Variants in PTGFRN observed in about 807,000 individuals in gnomAD.
PTGFRN encodes the protein prostaglandin F2 receptor inhibitor.
PTGFRN carries 35 observed loss-of-function variants against 83.2 expected under a neutral mutation model. The observed-to-expected ratio is 0.42, with a 90% CI of 0.32 to 0.56. PTGFRN has a LOEUF of 0.56. Ranked by LOEUF, PTGFRN falls within the 20% of genes least tolerant of loss-of-function variation. The probability of loss-of-function intolerance (pLI) is 0.11; values close to 1 mark genes in which losing one functional copy is unlikely to be tolerated. For synonymous variants in PTGFRN, 519 were observed against 498.6 expected, an observed-to-expected ratio of 1.04 and a Z score of -0.55; for missense variants, 1,051 against 1,179.5, an observed-to-expected ratio of 0.89 and a Z score of 1.60.
chr1:116,968,526 GT>G (rs966066381), intron 6 of PTGFRN, among the ~76,000 whole-genome samples: 2 of 152,018 alleles, frequency 1.3e-5, no homozygotes, highest in Non-Finnish European at 2.9e-5. Context: ...GTATCTGTTT[GT>G]TTTTAATAGC....
intron 4 of PTGFRN, among the ~76,000 whole-genome samples, chr1:116,957,155 G>A (rs928738459): frequency 7.0e-6 from 1 of 143,066 alleles, no homozygotes; most frequent in Non-Finnish European, 1.5e-5. Context: ...GGCTCGCTGT[G>A]TGTGTGTGTG....
At chr1:116,948,073 C>T (rs1373990537) in intron 3 of PTGFRN, among the ~76,000 whole-genome samples, 2 of 152,170 alleles carry the variant, frequency 1.3e-5, no homozygotes, top group African/African-American at 2.4e-5. Context: ...AATTGGGTCC[C>T]TGAGCTTACT....
chr1:116,987,069 T>A lies in PTGFRN; in HGVS notation c.*102T>A, dbSNP rs1651518356. On this transcript the variant is annotated 3_prime_UTR_variant, in exon 9 of 9. Transcript: ENST00000393203. ...CAAAGTGTGTTACACTAAAAACCAG[T>A]CCTCTCTAATCTCAGGTGGGACTTG... is the stretch of plus-strand genomic sequence containing the variant. 2 of 1,368,514 alleles carry A rather than the reference T, an allele frequency of 1.5e-6. No individual in the cohort carries two copies. The highest frequency in any genetic ancestry group is 2.0e-6 in the Non-Finnish European group (2 of 995,576). The allele number at this position is 1,368,514 out of a possible 1,614,324, so 84.8% of individuals were successfully genotyped here.
At chr1:116,919,877 C>CT (rs1649498814) in intron 1 of PTGFRN, among the ~76,000 whole-genome samples, 5 of 152,252 alleles carry the variant, frequency 3.3e-5, no homozygotes, top group Admixed American at 3.3e-4. Flanking sequence ...CCTTGTCCTT[C>CT]TACTCACTAG....
chr1:116,974,516 G>A lies in PTGFRN; in HGVS notation c.2167+193G>A. 8.7e-6 allele frequency: 4 copies of A among 461,118 alleles called. No individual in the cohort carries two copies. The South Asian group carries it at 1.9e-4, about 22-fold the overall frequency. The allele number at this position is 461,118 out of a possible 1,614,324, so 28.6% of individuals were successfully genotyped here. A position where few individuals can be genotyped will look rare whatever the true frequency, so the allele number is the denominator to read the frequency against. On this transcript the variant is annotated intron_variant, in intron 7 of 8. Transcript: ENST00000393203. ...GAGTGGATGCATCTATCTGCTAGAT[G>A]GTTTGGAAATACATCCAGACATTTG...
intron 3 of PTGFRN, among the ~76,000 whole-genome samples, chr1:116,947,897 TAA>T (rs1650242014): frequency 6.6e-6 from 1 of 152,260 alleles, no homozygotes; most frequent in Non-Finnish European, 1.5e-5. Flanking sequence ...ATTGAACTTT[TAA>T]ATTGCCTTTT....
In PTGFRN at chr1:116,910,064, C is replaced by A. The variant is rs531140244; in HGVS notation, c.-140C>A. The A allele has an allele frequency of 2.1e-6, 2 of 934,796 alleles. No individual in the cohort carries two copies. Among genetic ancestry groups the A allele is most frequent in the East Asian group, 5.7e-5 (2 of 35,106 alleles). The allele number at this position is 934,796 out of a possible 1,614,324, so 57.9% of individuals were successfully genotyped here. On this transcript the variant is annotated 5_prime_UTR_variant, in exon 1 of 9. Coordinates refer to ENST00000393203, the MANE Select transcript of PTGFRN (RefSeq NM_020440.4). ...CGTACGCCCCAGCGCTGGGATTTAT[C>A]GGCTCGCGAGGAGAGCGGAGCAGGC...
chr1:116,982,458 G>A (rs1651346572), intron 7 of PTGFRN, among the ~76,000 whole-genome samples: 1 of 152,120 alleles, frequency 6.6e-6, no homozygotes, highest in African/African-American at 2.4e-5. Context: ...AGGACATGTT[G>A]CATAAGTGAT....
In PTGFRN at chr1:116,949,408, A is replaced by G. The variant is rs1557740203; in HGVS notation, c.1049A>G (p.His350Arg). Residue 350 changes from histidine (H) to arginine (R), a missense_variant, in exon 4 of 9, where the codon CAT becomes CGT. His to Arg is a conservative substitution (Grantham distance 29). Coordinates refer to ENST00000393203, the MANE Select transcript of PTGFRN (RefSeq NM_020440.4). ...VHSSPHVALS[H>R]VDARSYHLLV... ...AGCTCGCCTCATGTTGCTTTGAGTCATGTGGATGCACGCTCCTACCATTTA... is the reference window on the plus strand; with the variant it reads ...AGCTCGCCTCATGTTGCTTTGAGTCGTGTGGATGCACGCTCCTACCATTTA... 1.2e-6 allele frequency: 2 copies of G among 1,614,246 alleles called. No individual in the cohort carries two copies. The highest frequency in any genetic ancestry group is 3.3e-4 in the Middle Eastern group (2 of 6,062).
At chr1:116,921,372 G>T (rs192451042) in intron 1 of PTGFRN, among the ~76,000 whole-genome samples, 1 of 152,230 alleles carries the variant, frequency 6.6e-6, no homozygotes, top group East Asian at 1.9e-4. Flanking sequence ...ACAACTATTC[G>T]TTTTCCCATT....
intron 7 of PTGFRN, among the ~76,000 whole-genome samples, chr1:116,978,621 C>A (rs1217456598): frequency 6.6e-6 from 1 of 152,130 alleles, no homozygotes; most frequent in Non-Finnish European, 1.5e-5. Flanking sequence ...AAGACAAAAA[C>A]CACATGATTA....
At chr1:116,940,434 TAGGGGCTCAC>T (rs1650031316) in intron 1 of PTGFRN, among the ~76,000 whole-genome samples, 1 of 152,218 alleles carries the variant, frequency 6.6e-6, no homozygotes, top group Non-Finnish European at 1.5e-5. Context: ...CGTATTGGAT[TAGGGGCTCAC>T]CCTATTCCAG....
intron 1 of PTGFRN, among the ~76,000 whole-genome samples, chr1:116,931,904 T>A (rs1416329876): frequency 6.6e-6 from 1 of 152,178 alleles, no homozygotes; most frequent in Non-Finnish European, 1.5e-5. Flanking sequence ...GGCACCCATT[T>A]ACAAGGCATG....
At chr1:116,911,760 A>T (rs570613994) in intron 1 of PTGFRN, among the ~76,000 whole-genome samples, 9 of 152,260 alleles carry the variant, frequency 5.9e-5, no homozygotes, top group South Asian at 2.1e-4. Context: ...CTCCCACCTC[A>T]GTCTCCTGAA....
In PTGFRN at chr1:116,944,951, C is replaced by A. The variant is rs1379077973; in HGVS notation, c.691C>A (p.Arg231Ser). Residue 231 changes from arginine to serine, a missense_variant, in exon 3 of 9, where the codon CGC becomes AGC. By Grantham distance (110) the Arg-to-Ser change is moderately radical. Coordinates refer to ENST00000393203, the MANE Select transcript of PTGFRN (RefSeq NM_020440.4). ...CGACACCGTGGGCAGCGACGCCTAC[C>A]GCCTCTCAGTGTCCCGGGCTCTGTC... Reference protein sequence around the residue: ...RLDTVGSDAYRLSVSRALSAD... With the variant: ...RLDTVGSDAYSLSVSRALSAD... The A allele has an allele frequency of 1.2e-6, 2 of 1,613,494 alleles. No individual in the cohort carries two copies. The highest frequency in any genetic ancestry group is 1.7e-6 in the Non-Finnish European group (2 of 1,180,022).
chr1:116,958,196 A>G lies in PTGFRN; in HGVS notation c.1214-3047A>G, dbSNP rs1205159998. On this transcript the variant is annotated intron_variant, in intron 4 of 8. Coordinates refer to ENST00000393203, the MANE Select transcript of PTGFRN (RefSeq NM_020440.4). This position sits in a 1 kb window ranked among gnomAD's most constrained non-coding sequence, Gnocchi z 4.9. ...GGTCTGTCACCTGTGAGGAGACAGAAGAGGAGTCCCCACAGGCAACTTCAT... is the reference window on the plus strand; with the variant it reads ...GGTCTGTCACCTGTGAGGAGACAGAGGAGGAGTCCCCACAGGCAACTTCAT... Among the ~76,000 whole-genome samples, 1 of 152,160 alleles carries G rather than the reference A, an allele frequency of 6.6e-6. No individual in the cohort carries two copies. Among genetic ancestry groups the G allele is most frequent in the South Asian group, 2.1e-4 (1 of 4,824 alleles).
At chr1:116,911,428 G>A (rs1028041728) in intron 1 of PTGFRN, among the ~76,000 whole-genome samples, 4 of 152,260 alleles carry the variant, frequency 2.6e-5, no homozygotes, top group Middle Eastern at 3.4e-3. Context: ...TGGGGACACC[G>A]GGGCCCACAC....
At chr1:116,913,719 C>G (rs1361860081) in intron 1 of PTGFRN, among the ~76,000 whole-genome samples, 1 of 152,186 alleles carries the variant, frequency 6.6e-6, no homozygotes, top group Non-Finnish European at 1.5e-5. Flanking sequence ...TTGTTTGATA[C>G]ATATTGGCTG....
intron 4 of PTGFRN, among the ~76,000 whole-genome samples, chr1:116,951,577 A>C (rs886241088): frequency 2.0e-5 from 3 of 152,250 alleles, no homozygotes; most frequent in Non-Finnish European, 4.4e-5. Context: ...AGAAAGCAGT[A>C]ATGTTCAACT....
Sources: allele counts gnomAD v4.1 joint callset (sites outside exome capture counted in the v4.1 genomes callset), GRCh38; gene constraint gnomAD v4.1.1; non-coding constraint Gnocchi (gnomAD v3.1); transcripts MANE v1.5; gene names NCBI Gene and HGNC (gene_info 2026-07-23, HGNC 2026-07-21).